SVIL: variants seen among roughly 807,000 people sequenced by gnomAD.
The protein encoded by SVIL is supervillin.
A neutral mutation model predicts 240.4 loss-of-function variants in SVIL; 101 were observed. The ratio of observed to expected loss-of-function variants is 0.42; its 90% CI spans 0.36 to 0.50. The LOEUF is 0.50. Ranked by LOEUF, SVIL falls within the 20% of genes least tolerant of loss-of-function variation. The probability of loss-of-function intolerance (pLI) is 0.01; values close to 1 mark genes in which losing one functional copy is unlikely to be tolerated. For missense variants in SVIL, 2,512 were observed against 2,818.7 expected (o/e 0.89, Z 2.46); for synonymous variants, 999 against 1,100.0 (o/e 0.91, Z 1.82).
rs1422287578 is a variant in SVIL at position 29,582,935 on chromosome 10, C to T, written c.-200-13623G>A. 2.6e-5 allele frequency among the ~76,000 whole-genome samples: 4 copies of T among 152,034 alleles called. No homozygotes were observed. The South Asian group carries it at 6.2e-4, about 24-fold the overall frequency. On this transcript the variant is annotated intron_variant, in intron 1 of 37. Coordinates refer to ENST00000355867, the MANE Select transcript of SVIL (RefSeq NM_021738.3). ...CTTGATTACAATCGTCCAGGGAGAG[C>T]GGAGAAGGCTCTGCCAAATCCAGTC...
At chr10:29,526,885 AT>A (rs1185003051) in intron 13 of SVIL, 75 bp downstream of exon 13, 4 of 1,209,216 alleles carry the variant, frequency 3.3e-6, no homozygotes, top group Admixed American at 6.7e-5. Context: ...AACGACAGAC[AT>A]TCAAGACTTT....
At chr10:29,704,170 G>A (rs1962727390) in intron 1 of SVIL, among the ~76,000 whole-genome samples, 1 of 152,088 alleles carries the variant, frequency 6.6e-6, no homozygotes, top group African/African-American at 2.4e-5. Flanking sequence ...AGTGGGCTGG[G>A]CGCCTCAGCC....
intron 6 of SVIL, chr10:29,545,070 G>A (rs762752109): frequency 1.3e-5 from 7 of 534,642 alleles, no homozygotes. Context: ...GTGGACACGA[G>A]AGCGTGGAAG....
In SVIL at chr10:29,530,610, G is replaced by C; in HGVS notation, c.2103C>G (p.Phe701Leu). The change falls in exon 11 of 38, where the codon TTC becomes TTG. Residue 701 changes from phenylalanine (F) to leucine (L), a missense_variant. Physicochemically the swap from Phe to Leu is conservative, Grantham distance 22. Coordinates refer to ENST00000355867, the MANE Select transcript of SVIL (RefSeq NM_021738.3). ...KLSVAAKRLL[F>L]REMEKSFDEQ... ...CAAGCACGTCAGCACAGCTTACCCT[G>C]AAAAGCAACCTCTTGGCGGCGACGC... 4 of 1,614,084 alleles carry C rather than the reference G, an allele frequency of 2.5e-6. No individual in the cohort carries two copies. The highest frequency in any genetic ancestry group is 3.4e-6 in the Non-Finnish European group (4 of 1,180,010).
chr10:29,613,906 C>G (rs1047212202), intron 1 of SVIL, among the ~76,000 whole-genome samples: 3 of 152,164 alleles, frequency 2.0e-5, no homozygotes, highest in African/African-American at 7.2e-5. Flanking sequence ...AAAAGCCCAA[C>G]GAACTCATCA....
rs1314513305 is a variant in SVIL, at chr10:29,531,103, A to G, written c.2044+151T>C. 6 of 714,192 alleles carry G rather than the reference A, an allele frequency of 8.4e-6. No homozygotes were observed. The East Asian group carries it at 1.4e-4, about 16-fold the overall frequency. 44.2% of individuals were successfully genotyped at this position (714,192 alleles called of 1,614,324 possible). On this transcript the variant is annotated intron_variant, in intron 10 of 37. Coordinates refer to ENST00000355867, the MANE Select transcript of SVIL (RefSeq NM_021738.3). ...AAGCTTGTCTGAAAATTTCAACTAG[A>G]TTTTATCATATCCACAGAACGAAAA... is the stretch of plus-strand genomic sequence containing the variant.
intron 2 of SVIL, among the ~76,000 whole-genome samples, chr10:29,565,141 C>T (rs778802505): frequency 1.2e-4 from 19 of 152,200 alleles, no homozygotes; most frequent in Non-Finnish European, 2.2e-4. Flanking sequence ...CCTTGCGGTA[C>T]AAATGCTATA....
At chr10:29,510,013 C>T (rs887993138) in intron 17 of SVIL, among the ~76,000 whole-genome samples, 10 of 152,302 alleles carry the variant, frequency 6.6e-5, no homozygotes, top group African/African-American at 2.4e-4. Context: ...AGCGATCCTC[C>T]TGCATCAGCC....
At chr10:29,606,777 CAG>C (rs1486638474) in intron 1 of SVIL, among the ~76,000 whole-genome samples, 1 of 151,986 alleles carries the variant, frequency 6.6e-6, no homozygotes, top group Non-Finnish European at 1.5e-5. Flanking sequence ...TTATTTGAGT[CAG>C]AGTCTTGTTC....
intron 5 of SVIL, among the ~76,000 whole-genome samples, chr10:29,553,791 TA>T (rs1434705951): frequency 6.6e-6 from 1 of 152,204 alleles, no homozygotes; most frequent in Non-Finnish European, 1.5e-5. Context: ...ATATGCAACG[TA>T]TTTAAAATTA....
intron 3 of SVIL, among the ~76,000 whole-genome samples, chr10:29,643,760 C>T (rs184434828): frequency 6.6e-6 from 1 of 152,226 alleles, no homozygotes; most frequent in East Asian, 1.9e-4. Flanking sequence ...AATCTTTGAG[C>T]TCCAAGGTCA....
chr10:29,517,808 A>G (rs1485120664), intron 16 of SVIL, among the ~76,000 whole-genome samples: 2 of 152,232 alleles, frequency 1.3e-5, no homozygotes, highest in Non-Finnish European at 2.9e-5. Context: ...TCCCTAAATA[A>G]GAAAGCTCAG....
chr10:29,546,875 G>A (rs912327730), intron 6 of SVIL, among the ~76,000 whole-genome samples: 4 of 152,210 alleles, frequency 2.6e-5, no homozygotes, highest in Non-Finnish European at 5.9e-5. Context: ...GATGACAAGA[G>A]AGTGCAGCAG....
intron 1 of SVIL, among the ~76,000 whole-genome samples, chr10:29,693,189 A>G (rs1961646826): frequency 6.6e-6 from 1 of 152,076 alleles, no homozygotes; most frequent in Non-Finnish European, 1.5e-5. Context: ...GAGACTCAGA[A>G]CAGCTAACCA....
At chr10:29,632,540 T>C (rs993545265) in intron 1 of SVIL, among the ~76,000 whole-genome samples, 1 of 150,866 alleles carries the variant, frequency 6.6e-6, no homozygotes, top group Non-Finnish European at 1.5e-5. Flanking sequence ...TAACCCCAGG[T>C]GTTGCCAAAG....
At chr10:29,461,992 G>A (rs902148725) in intron 36 of SVIL, among the ~76,000 whole-genome samples, 7 of 152,198 alleles carry the variant, frequency 4.6e-5, no homozygotes, top group African/African-American at 7.2e-5. Flanking sequence ...TGAAGAGTTC[G>A]CAGCTTTTAT....
intron 1 of SVIL, among the ~76,000 whole-genome samples, chr10:29,717,387 T>G (rs959372126): frequency 1.3e-5 from 2 of 152,076 alleles, no homozygotes; most frequent in African/African-American, 2.4e-5. Context: ...CAGGAGAATT[T>G]ATGTCAAAAT....
chr10:29,563,244 G>T lies in SVIL; in HGVS notation c.-94C>A, dbSNP rs996289530. The T allele has an allele frequency of 1.7e-5, 17 of 985,614 alleles. No individual in the cohort carries two copies. In the African/African-American group the frequency reaches 3.0e-4, roughly 17 times the overall value. 61.1% of individuals were successfully genotyped at this position (985,614 alleles called of 1,614,324 possible). A position where few individuals can be genotyped will look rare whatever the true frequency, so the allele number is the denominator to read the frequency against. On this transcript the variant is annotated 5_prime_UTR_variant, in exon 3 of 38. Coordinates refer to ENST00000355867, the MANE Select transcript of SVIL (RefSeq NM_021738.3). ...AAAGCTGAGCATCGATTCCTCTTTCGTGGTTAGCGAGCTGTTCTTTATCTT... is the reference window on the plus strand; with the variant it reads ...AAAGCTGAGCATCGATTCCTCTTTCTTGGTTAGCGAGCTGTTCTTTATCTT...
chr10:29,584,111 T>G (rs990754756), intron 1 of SVIL, among the ~76,000 whole-genome samples: 3 of 152,118 alleles, frequency 2.0e-5, no homozygotes, highest in Non-Finnish European at 4.4e-5. Flanking sequence ...AGCTTACTTG[T>G]GGAGGAGATG....
Sources: gnomAD v4.1 joint callset for allele counts (sites outside exome capture counted in the v4.1 genomes callset) on GRCh38, gnomAD v4.1.1 for gene constraint, MANE v1.5 for transcripts, NCBI Gene and HGNC (gene_info 2026-07-23, HGNC 2026-07-21) for gene names.